The following ATP8A2 variants were observed in gnomAD, a reference collection of about 807,000 sequenced individuals.
ATP8A2 encodes the protein phospholipid-transporting ATPase IB.
ATP8A2 carries 100 observed loss-of-function variants against 165.6 expected under a neutral mutation model. That is an observed-to-expected ratio of 0.60 (90% confidence interval 0.51 to 0.71). The LOEUF is 0.71. Ranked by LOEUF, ATP8A2 falls within the 30% of genes least tolerant of loss-of-function variation. The pLI, the probability that ATP8A2 is intolerant of heterozygous loss-of-function variation, is 0.00. For synonymous variants in ATP8A2, 543 were observed against 548.8 expected, an observed-to-expected ratio of 0.99 and a Z score of 0.15; for missense variants, 1,227 against 1,479.5, an observed-to-expected ratio of 0.83 and a Z score of 2.80.
chr13:25,636,856 A>G (rs1001341551), intron 24 of ATP8A2, among the ~76,000 whole-genome samples: 3 of 152,074 alleles, frequency 2.0e-5, no homozygotes, highest in African/African-American at 7.2e-5. Context: ...ACTTTGGGAG[A>G]CCAAGGCAGG....
At chr13:25,395,026 T>C (rs1030587796) in intron 1 of ATP8A2, among the ~76,000 whole-genome samples, 3 of 152,252 alleles carry the variant, frequency 2.0e-5, no homozygotes, top group Non-Finnish European at 4.4e-5. Context: ...GTAAGCTCTC[T>C]AGCCTATGTA....
At chr13:25,726,995 G>A (rs529126064) in intron 25 of ATP8A2, among the ~76,000 whole-genome samples, 1 of 152,192 alleles carries the variant, frequency 6.6e-6, no homozygotes, top group Admixed American at 6.5e-5. Flanking sequence ...CTCATTTTTC[G>A]TTGTCTTGAT....
intron 28 of ATP8A2, among the ~76,000 whole-genome samples, 156 bp from the exon 29 acceptor site, chr13:25,837,007 T>C (rs1250491726): frequency 6.6e-6 from 1 of 152,208 alleles, no homozygotes; most frequent in Non-Finnish European, 1.5e-5. Flanking sequence ...GGTCTTTCAT[T>C]TATTTCCTTT....
chr13:25,445,994 A>G (rs1469831691), intron 1 of ATP8A2, among the ~76,000 whole-genome samples: 1 of 152,164 alleles, frequency 6.6e-6, no homozygotes, highest in Non-Finnish European at 1.5e-5. Context: ...TGTGTACACC[A>G]TGGGATTGCT....
chr13:25,461,445 G>T (rs1361146587), intron 1 of ATP8A2, among the ~76,000 whole-genome samples: 3 of 152,204 alleles, frequency 2.0e-5, no homozygotes, highest in Admixed American at 6.5e-5. Context: ...AGAGGCCATA[G>T]TTGAACTTGA....
chr13:25,893,556 G>T (rs1230801017), intron 33 of ATP8A2, among the ~76,000 whole-genome samples: 4 of 151,836 alleles, frequency 2.6e-5, no homozygotes, highest in Non-Finnish European at 4.4e-5. Context: ...AATCCTTTGG[G>T]TATATACCCA....
intron 24 of ATP8A2, among the ~76,000 whole-genome samples, chr13:25,648,330 C>T (rs1207226710): frequency 1.1e-4 from 17 of 152,070 alleles, no homozygotes; most frequent in Admixed American, 9.2e-4. Flanking sequence ...CTCCTCTCCC[C>T]CATGTATACC....
At chr13:25,402,675 A>G (rs1449255169) in intron 1 of ATP8A2, among the ~76,000 whole-genome samples, 1 of 152,204 alleles carries the variant, frequency 6.6e-6, no homozygotes, top group Admixed American at 6.5e-5. Flanking sequence ...CCCCAGTGCA[A>G]CAGTATTAAG....
chr13:25,420,825 A>T (rs9511792), intron 1 of ATP8A2, among the ~76,000 whole-genome samples: 1 of 152,006 alleles, frequency 6.6e-6, no homozygotes, highest in South Asian at 2.1e-4. Context: ...CAAGAAGCTC[A>T]GTTTCATTTG....
intron 30 of ATP8A2, among the ~76,000 whole-genome samples, chr13:25,840,696 A>C (rs180847624): frequency 6.6e-5 from 10 of 152,340 alleles, no homozygotes; most frequent in African/African-American, 2.4e-4. Context: ...ATTTATTTTA[A>C]AATGGTTTTA....
At chr13:26,006,709 A>G (rs78104913) in intron 35 of ATP8A2, among the ~76,000 whole-genome samples, 1 of 151,970 alleles carries the variant, frequency 6.6e-6, no homozygotes, top group African/African-American at 2.4e-5. Context: ...ATTTTCCACA[A>G]TAAAAATATC....
chr13:25,513,333 G>A (rs1593435843), intron 2 of ATP8A2, among the ~76,000 whole-genome samples: 1 of 151,954 alleles, frequency 6.6e-6, no homozygotes, highest in African/African-American at 2.4e-5. Context: ...CGGTGGGGCA[G>A]AGGCGCTCCC....
intron 18 of ATP8A2, among the ~76,000 whole-genome samples, chr13:25,572,400 A>G (rs2039493677): frequency 6.6e-6 from 1 of 152,142 alleles, no homozygotes; most frequent in Non-Finnish European, 1.5e-5. Context: ...TGGCCTCCCA[A>G]AGTGCTGGGA....
chr13:25,838,136 G>A (rs1951667198), intron 29 of ATP8A2, among the ~76,000 whole-genome samples: 1 of 152,232 alleles, frequency 6.6e-6, no homozygotes, highest in Admixed American at 6.5e-5. Flanking sequence ...CTCCTGTGCT[G>A]TGTGCTGGTG....
chr13:25,903,268 A>G (rs1953821268), intron 33 of ATP8A2, among the ~76,000 whole-genome samples: 2 of 152,036 alleles, frequency 1.3e-5, no homozygotes, highest in African/African-American at 4.8e-5. Context: ...GCCCCCAGAT[A>G]TGGCTGCTTT....
intron 33 of ATP8A2, among the ~76,000 whole-genome samples, chr13:25,943,412 A>G (rs558802500): frequency 1.1e-4 from 16 of 152,296 alleles, no homozygotes; most frequent in African/African-American, 3.1e-4. Flanking sequence ...TGTACCTTTT[A>G]TATGTTCAGA....
chr13:25,856,623 A>G lies in ATP8A2; in HGVS notation c.2957-3572A>G, dbSNP rs138871364. 7.5e-3 allele frequency among the ~76,000 whole-genome samples: 1,143 copies of G among 152,290 alleles called. 15 individuals carry two copies. The highest frequency in any genetic ancestry group is 0.026 in the African/African-American group (1,081 of 41,540). ...TAAAAACATCATCTTTTCCATTTTAACATTTTAAGCATACAATTCAGAGAC... is the reference window on the plus strand; with the variant it reads ...TAAAAACATCATCTTTTCCATTTTAGCATTTTAAGCATACAATTCAGAGAC... On this transcript the variant is annotated intron_variant, in intron 30 of 36. Coordinates refer to ENST00000381655, the MANE Select transcript of ATP8A2 (RefSeq NM_016529.6).
intron 35 of ATP8A2, among the ~76,000 whole-genome samples, chr13:26,004,552 G>T (rs1364253202): frequency 6.6e-6 from 1 of 152,014 alleles, no homozygotes; most frequent in Non-Finnish European, 1.5e-5. Flanking sequence ...ATGTTGAAAA[G>T]AATTGGCAAG....
chr13:25,667,383 C>T (rs544471857), intron 24 of ATP8A2, among the ~76,000 whole-genome samples: 4 of 152,266 alleles, frequency 2.6e-5, no homozygotes, highest in Admixed American at 2.6e-4. Flanking sequence ...TGGTACTGTT[C>T]TCCCAGTAGT....
Sources: allele counts gnomAD v4.1 joint callset (sites outside exome capture counted in the v4.1 genomes callset), GRCh38; gene constraint gnomAD v4.1.1; transcripts MANE v1.5; gene names NCBI Gene and HGNC (gene_info 2026-07-23, HGNC 2026-07-21).